The following CADM2 variants were observed in gnomAD, a reference collection of about 807,000 sequenced individuals.
CADM2 encodes cell adhesion molecule 2, also known as immunoglobulin superfamily member 4D.
CADM2 carries 12 observed loss-of-function variants against 49.8 expected under a neutral mutation model. That is an observed-to-expected ratio of 0.24 (90% CI 0.15 to 0.39). The LOEUF (loss-of-function observed/expected upper bound fraction) is 0.39. CADM2 is among the 10% of genes least tolerant of loss of function. The probability of loss-of-function intolerance (pLI) is 1.00; values close to 1 mark genes in which losing one functional copy is unlikely to be tolerated. For missense variants in CADM2, 378 were observed against 492.3 expected, an observed-to-expected ratio of 0.77 and a Z score of 2.20; for synonymous variants, 214 against 175.4, an observed-to-expected ratio of 1.22 and a Z score of -1.74.
chr3:85,785,457 G>T (rs917284284), intron 2 of CADM2, among the ~76,000 whole-genome samples: 2 of 151,996 alleles, frequency 1.3e-5, no homozygotes, highest in African/African-American at 4.8e-5. Flanking sequence ...GCAGAAATTT[G>T]ATTTTGTGTT....
At chr3:85,808,108 A>T (rs2072568390) in intron 3 of CADM2, among the ~76,000 whole-genome samples, 1 of 152,288 alleles carries the variant, frequency 6.6e-6, no homozygotes, top group East Asian at 1.9e-4. Flanking sequence ...TCATTAGCCT[A>T]CAAAGTCGAA....
intron 6 of CADM2, among the ~76,000 whole-genome samples, chr3:85,926,508 A>G (rs922713776): frequency 1.3e-5 from 2 of 152,202 alleles, no homozygotes; most frequent in South Asian, 2.1e-4. Flanking sequence ...TTAAGTTCTG[A>G]GAGATCTTTA....
At chr3:85,997,100 C>T (rs1359827459) in intron 8 of CADM2, among the ~76,000 whole-genome samples, 12 of 152,246 alleles carry the variant, frequency 7.9e-5, no homozygotes, top group East Asian at 3.9e-4. Context: ...TTCATCTCTC[C>T]GTGCAGTTTG....
At chr3:84,996,282 G>C (rs1017272947) in intron 1 of CADM2, among the ~76,000 whole-genome samples, 1 of 152,012 alleles carries the variant, frequency 6.6e-6, no homozygotes, top group Admixed American at 6.6e-5. Context: ...TTAATATTAA[G>C]TTAAATTGCC....
chr3:85,564,708 T>C (rs2062203832), intron 1 of CADM2, among the ~76,000 whole-genome samples: 2 of 152,110 alleles, frequency 1.3e-5, no homozygotes, highest in Non-Finnish European at 2.9e-5. Context: ...TTAATGATTT[T>C]TTTAATTCTA....
chr3:85,865,529 C>T lies in CADM2; in HGVS notation c.239-17762C>T, dbSNP rs116251277. On this transcript the variant is annotated intron_variant, in intron 3 of 9. Coordinates refer to ENST00000383699, the MANE Select transcript of CADM2 (RefSeq NM_001167675.2). Reference sequence around the variant, plus strand: ...GGAATGAGTGTTTATTAGTAAAATACGAAACGGAATAAAAACAAATAAATA... The same window carrying T: ...GGAATGAGTGTTTATTAGTAAAATATGAAACGGAATAAAAACAAATAAATA... Among the ~76,000 whole-genome samples the T allele has an allele frequency of 1.1e-3, 168 of 152,082 alleles. 1 individual carries two copies. Among genetic ancestry groups the T allele is most frequent in the African/African-American group, 3.8e-3 (159 of 41,490 alleles).
chr3:85,760,234 G>A (rs1292641781), intron 2 of CADM2, among the ~76,000 whole-genome samples: 2 of 151,974 alleles, frequency 1.3e-5, no homozygotes, highest in Non-Finnish European at 2.9e-5. Flanking sequence ...TGTACTAGTT[G>A]TTATGTTCAA....
intron 1 of CADM2, among the ~76,000 whole-genome samples, chr3:85,239,244 T>A (rs57183403): frequency 0.036 from 5,430 of 151,940 alleles, 346 homozygotes; most frequent in African/African-American, 0.12. Context: ...TAAATTAGGG[T>A]GCTTCACACT....
intron 1 of CADM2, among the ~76,000 whole-genome samples, chr3:85,332,686 G>C (rs116472457): frequency 6.6e-6 from 1 of 151,892 alleles, no homozygotes; most frequent in African/African-American, 2.4e-5. Context: ...ATGTCCTCTG[G>C]AGTCCTTCTA....
At chr3:85,131,580 T>C (rs1166062425) in intron 1 of CADM2, among the ~76,000 whole-genome samples, 2 of 152,152 alleles carry the variant, frequency 1.3e-5, no homozygotes, top group Non-Finnish European at 2.9e-5. Flanking sequence ...ATGGAATGGA[T>C]ACTATATAGC....
intron 1 of CADM2, among the ~76,000 whole-genome samples, chr3:85,285,331 G>A (rs1478733667): frequency 1.3e-5 from 2 of 152,056 alleles, no homozygotes; most frequent in East Asian, 3.9e-4. Flanking sequence ...TGAGATCAAT[G>A]AATGAGTGTC....
At chr3:85,904,936 T>A (rs1716593092) in intron 5 of CADM2, among the ~76,000 whole-genome samples, 1 of 152,196 alleles carries the variant, frequency 6.6e-6, no homozygotes. Flanking sequence ...AACTATTTTA[T>A]AATTTTCTTT....
chr3:86,064,149 G>A (rs1464641029), intron 8 of CADM2, among the ~76,000 whole-genome samples: 1 of 151,724 alleles, frequency 6.6e-6, no homozygotes, highest in Admixed American at 6.6e-5. Context: ...TTCGTGTGCT[G>A]CCCCCAGTAA....
chr3:85,321,440 C>G (rs1180583399), intron 1 of CADM2, among the ~76,000 whole-genome samples: 1 of 151,712 alleles, frequency 6.6e-6, no homozygotes, highest in African/African-American at 2.4e-5. Flanking sequence ...CTGCCTCATC[C>G]TCCCAAAGTG....
At chr3:85,791,132 A>G (rs1231075310) in intron 2 of CADM2, among the ~76,000 whole-genome samples, 1 of 152,248 alleles carries the variant, frequency 6.6e-6, no homozygotes, top group Non-Finnish European at 1.5e-5. Context: ...GGGGCATTCC[A>G]AAAGTGGAAA....
At chr3:85,614,164 A>G (rs2063742902) in intron 1 of CADM2, among the ~76,000 whole-genome samples, 2 of 151,750 alleles carry the variant, frequency 1.3e-5, no homozygotes, top group South Asian at 4.1e-4. Context: ...TATTCACCAC[A>G]TACTGTTTGA....
chr3:85,440,653 G>T (rs913156963), intron 1 of CADM2, among the ~76,000 whole-genome samples: 1 of 152,086 alleles, frequency 6.6e-6, no homozygotes, highest in Non-Finnish European at 1.5e-5. Flanking sequence ...GGGGGAAAAG[G>T]AACTATGTGA....
At chr3:85,408,806 G>A (rs1227848068) in intron 1 of CADM2, among the ~76,000 whole-genome samples, 1 of 152,080 alleles carries the variant, frequency 6.6e-6, no homozygotes, top group African/African-American at 2.4e-5. Flanking sequence ...TCACTTAGAT[G>A]CCACCATAGT....
At chr3:85,691,753 A>G (rs1392814648) in intron 1 of CADM2, among the ~76,000 whole-genome samples, 1 of 152,240 alleles carries the variant, frequency 6.6e-6, no homozygotes, top group African/African-American at 2.4e-5. Flanking sequence ...AGACTGGATT[A>G]AGAAAATGTG....
Sources: allele counts gnomAD v4.1 joint callset (sites outside exome capture counted in the v4.1 genomes callset), GRCh38; gene constraint gnomAD v4.1.1; transcripts MANE v1.5; gene names NCBI Gene and HGNC (gene_info 2026-07-23, HGNC 2026-07-21).